The following IMMT variants were observed in gnomAD, a reference collection of about 807,000 sequenced individuals.
The protein encoded by IMMT is MICOS complex subunit MIC60.
In IMMT, 40 loss-of-function variants were observed where a neutral mutation model predicts 92.7. The ratio of observed to expected loss-of-function variants is 0.43; its 90% confidence interval spans 0.34 to 0.56. The LOEUF (loss-of-function observed/expected upper bound fraction) is 0.56. IMMT is among the 20% of genes least tolerant of loss of function. The probability of loss-of-function intolerance (pLI) is 0.03; values close to 1 mark genes in which losing one functional copy is unlikely to be tolerated. For synonymous variants in IMMT, 322 were observed against 336.1 expected (o/e 0.96, Z 0.46); for missense variants, 831 against 912.1 (o/e 0.91, Z 1.14).
intron 5 of IMMT, 110 bp from the exon 6 acceptor site, chr2:86,170,954 G>T: frequency 1.3e-6 from 1 of 775,878 alleles, no homozygotes; most frequent in Non-Finnish European, 2.1e-6. Flanking sequence ...TCAATGCAGG[G>T]CATTTTTGTG....
At chr2:86,189,025 A>AAC in intron 1 of IMMT, among the ~76,000 whole-genome samples, 1 of 152,276 alleles carries the variant, frequency 6.6e-6, no homozygotes, top group Admixed American at 6.5e-5. Context: ...CTAAACTATT[A>AAC]ACATAAACTA....
intron 1 of IMMT, among the ~76,000 whole-genome samples, chr2:86,191,465 T>C (rs1673112339): frequency 6.6e-6 from 1 of 151,880 alleles, no homozygotes; most frequent in South Asian, 2.1e-4. Flanking sequence ...AGACTGAAAC[T>C]GCACCATCCA....
At chr2:86,182,103 A>C (rs1440116363) in intron 1 of IMMT, among the ~76,000 whole-genome samples, 1 of 26,402 alleles carries the variant, frequency 3.8e-5, no homozygotes, top group Non-Finnish European at 8.6e-5. Flanking sequence ...TCTTAATAAT[A>C]AATATGTGGA....
At chr2:86,174,256 C>A (rs1324197876) in intron 3 of IMMT, among the ~76,000 whole-genome samples, 1 of 152,194 alleles carries the variant, frequency 6.6e-6, no homozygotes, top group Non-Finnish European at 1.5e-5. Flanking sequence ...GGCTTGCCTT[C>A]CCCTTTCCCA....
chr2:86,192,697 T>C (rs1438995405), intron 1 of IMMT, among the ~76,000 whole-genome samples: 4 of 152,148 alleles, frequency 2.6e-5, no homozygotes, highest in Non-Finnish European at 4.4e-5. Context: ...GGTAAAGATA[T>C]AGTGATACAA....
At chr2:86,151,770 C>G (rs1675482861) in intron 11 of IMMT, among the ~76,000 whole-genome samples, 1 of 152,182 alleles carries the variant, frequency 6.6e-6, no homozygotes, top group South Asian at 2.1e-4. Flanking sequence ...CTCTTTTAAT[C>G]TGAACTAATT....
At position 86,147,766 on chromosome 2, in the gene IMMT, TG is replaced by T; in HGVS notation, c.1468del (p.His490ThrfsTer16). 6.2e-7 allele frequency: 1 copy of T among 1,613,972 alleles called. No individual in the cohort carries two copies. Among genetic ancestry groups the T allele is most frequent in the Non-Finnish European group, 8.5e-7 (1 of 1,179,830 alleles). ...RTQLRRQAAA[H>X]TDHLRDVLRV... ...AAGGACATCTCGCAAGTGATCAGTG[TG>T]GGCAGCTGCCTGTCGGCGAAGCTGG... On this transcript the variant is annotated frameshift_variant, in exon 13 of 15. Coordinates refer to ENST00000410111, the MANE Select transcript of IMMT (RefSeq NM_006839.3). LOFTEE classifies it high-confidence loss of function.
In IMMT at chr2:86,161,512, C is replaced by CTT. The variant is rs35243118; in HGVS notation, c.896+462_896+463dup. Among the ~76,000 whole-genome samples the CTT allele has an allele frequency of 1.1e-3, 122 of 108,440 alleles. 1 individual carries two copies. Among genetic ancestry groups the CTT allele is most frequent in the African/African-American group, 3.0e-3 (90 of 29,702 alleles). The allele number at this position is 108,440 out of a possible 152,430, so 71.1% of individuals were successfully genotyped here. ...TCTTTTTACACCTTTGTACAAATTC[C>CTT]TTTTTTTTTTTTTTTTTTTGAGACA... On this transcript the variant is annotated intron_variant, in intron 8 of 14. Transcript: ENST00000410111.
intron 1 of IMMT, among the ~76,000 whole-genome samples, chr2:86,187,338 G>C (rs974712701): frequency 3.9e-5 from 6 of 152,120 alleles, no homozygotes; most frequent in Admixed American, 2.6e-4. Flanking sequence ...CTTTCACTTA[G>C]TGTAATGTTT....
At chr2:86,162,373 T>C (rs1241716140) in intron 7 of IMMT, among the ~76,000 whole-genome samples, 3 of 147,870 alleles carry the variant, frequency 2.0e-5, no homozygotes, top group Non-Finnish European at 4.4e-5. Flanking sequence ...CTCAAAAGGA[T>C]GTACAAACCA....
chr2:86,172,096 C>T (rs6547661), intron 4 of IMMT, among the ~76,000 whole-genome samples: 69,568 of 151,102 alleles, frequency 0.46, 16,528 homozygotes, highest in Non-Finnish European at 0.51. Flanking sequence ...CTCTGGCACA[C>T]AGCTGGGACT....
rs532382794 is a variant in IMMT, at chr2:86,194,125, G to A, written c.45+1213C>T. 2.0e-5 allele frequency among the ~76,000 whole-genome samples: 3 copies of A among 152,344 alleles called. No individual in the cohort carries two copies. The South Asian group carries it at 6.2e-4, about 32-fold the overall frequency. On this transcript the variant is annotated intron_variant, in intron 1 of 14. Coordinates refer to ENST00000410111, the MANE Select transcript of IMMT (RefSeq NM_006839.3). ...TGGCTGGCAAGAGGCAGCAAGAAAA[G>A]AAGTACTTCAGTCCTGTAACTGCAA...
chr2:86,148,925 T>G (rs1675254379), intron 12 of IMMT, among the ~76,000 whole-genome samples: 3 of 152,374 alleles, frequency 2.0e-5, no homozygotes, highest in Admixed American at 1.3e-4. Flanking sequence ...GCCTACTATC[T>G]GTACGGATCC....
intron 12 of IMMT, among the ~76,000 whole-genome samples, chr2:86,149,578 T>C (rs1341976078): frequency 1.3e-5 from 2 of 152,046 alleles, no homozygotes; most frequent in African/African-American, 4.8e-5. Context: ...CACTTTGGTG[T>C]TTAAATTCCT....
chr2:86,167,478 T>C (rs999570120), intron 6 of IMMT, among the ~76,000 whole-genome samples: 3 of 43,252 alleles, frequency 6.9e-5, no homozygotes, highest in Non-Finnish European at 1.1e-4. Context: ...CGGTTTTTTG[T>C]TTTTTGTTTT....
intron 11 of IMMT, 46 bp from the exon 12 acceptor site, chr2:86,151,566 A>G (rs1429660275): frequency 7.4e-7 from 1 of 1,357,956 alleles, no homozygotes; most frequent in Non-Finnish European, 1.1e-6. Flanking sequence ...CACTGAAATT[A>G]TACCTCATTA....
intron 10 of IMMT, among the ~76,000 whole-genome samples, chr2:86,157,641 G>A (rs1675938728): frequency 6.6e-6 from 1 of 151,822 alleles, no homozygotes; most frequent in Non-Finnish European, 1.5e-5. Context: ...CAAAAAAATT[G>A]GTTGGGCGCA....
At chr2:86,180,423 G>A (rs1204623188) in intron 2 of IMMT, among the ~76,000 whole-genome samples, 2 of 151,648 alleles carry the variant, frequency 1.3e-5, no homozygotes, top group Admixed American at 1.3e-4. Flanking sequence ...GCGCCACTAC[G>A]CCCGGCTAAT....
chr2:86,163,530 G>C (rs532989834), intron 7 of IMMT, among the ~76,000 whole-genome samples: 1 of 152,176 alleles, frequency 6.6e-6, no homozygotes, highest in South Asian at 2.1e-4. Flanking sequence ...TGAAGAAAAT[G>C]GTTTTAAATT....
Sources: gnomAD v4.1 joint callset for allele counts (sites outside exome capture counted in the v4.1 genomes callset) on GRCh38, gnomAD v4.1.1 for gene constraint, MANE v1.5 for transcripts, NCBI Gene and HGNC (gene_info 2026-07-23, HGNC 2026-07-21) for gene names.